HDAC9: variants seen among roughly 807,000 people sequenced by gnomAD.
HDAC9 encodes MEF-2 interacting transcription repressor (MITR) protein.
A neutral mutation model predicts 139.4 loss-of-function variants in HDAC9; 41 were observed. The observed-to-expected ratio is 0.29, with a 90% CI of 0.23 to 0.38. HDAC9 has a LOEUF of 0.38. HDAC9 is among the 10% of genes least tolerant of loss of function. HDAC9 has a pLI of 1.00. For synonymous variants in HDAC9, 517 were observed against 476.2 expected (o/e 1.09, Z -1.12); for missense variants, 1,147 against 1,297.0 (o/e 0.88, Z 1.78).
intron 2 of HDAC9, among the ~76,000 whole-genome samples, chr7:18,543,884 A>G (rs1813818948): frequency 2.7e-5 from 4 of 148,382 alleles, no homozygotes; most frequent in Admixed American, 2.7e-4. Flanking sequence ...AGTGTATTTT[A>G]GGAAAAAAAA....
At chr7:18,900,422 A>T (rs1370434418) in intron 22 of HDAC9, among the ~76,000 whole-genome samples, 1 of 152,180 alleles carries the variant, frequency 6.6e-6, no homozygotes, top group Non-Finnish European at 1.5e-5. Flanking sequence ...GGCTAAACAC[A>T]CAAATGCCAA....
intron 2 of HDAC9, among the ~76,000 whole-genome samples, chr7:18,269,804 C>T (rs1039592567): frequency 1.3e-5 from 2 of 151,972 alleles, no homozygotes; most frequent in Non-Finnish European, 2.9e-5. Flanking sequence ...ACCAGGATTG[C>T]CTCCTCCTAG....
chr7:18,622,468 A>C (rs1223848077), intron 6 of HDAC9, among the ~76,000 whole-genome samples: 1 of 151,942 alleles, frequency 6.6e-6, no homozygotes, highest in African/African-American at 2.4e-5. Flanking sequence ...GATTACAGGG[A>C]CGTGCCACCA....
intron 1 of HDAC9, among the ~76,000 whole-genome samples, chr7:18,306,861 C>T (rs1317595634): frequency 1.3e-5 from 2 of 151,982 alleles, no homozygotes; most frequent in Non-Finnish European, 1.5e-5. Context: ...TGCGAAACAC[C>T]CCCCACTTAC....
rs368814130 is a variant in HDAC9 at position 18,987,217 on chromosome 7, C to G, written c.3171-8806C>G. ...TTGGCTGTGGGTTTGTCATAGATAG[C>G]TCTTATTAATTTGGAATACGTCCCA... On this transcript the variant is annotated intron_variant, in intron 25 of 25. Coordinates refer to ENST00000686413, the MANE Select transcript of HDAC9 (RefSeq NM_178425.4). Among the ~76,000 whole-genome samples, 96 of 152,268 alleles carry G rather than the reference C, an allele frequency of 6.3e-4. No homozygotes were observed. In the East Asian group the frequency reaches 0.016, roughly 25 times the overall value.
At chr7:18,358,279 A>G (rs1038027502) in intron 1 of HDAC9, among the ~76,000 whole-genome samples, 5 of 152,228 alleles carry the variant, frequency 3.3e-5, no homozygotes, top group East Asian at 1.9e-4. Flanking sequence ...TTCACCTGCA[A>G]TTTAGGAATG....
chr7:18,101,419 T>C (rs967393391), intron 1 of HDAC9, among the ~76,000 whole-genome samples: 1 of 152,228 alleles, frequency 6.6e-6, no homozygotes, highest in African/African-American at 2.4e-5. Context: ...TTGAAAACTA[T>C]TGCTTCATAT....
At chr7:18,934,242 T>A (rs1409949506) in intron 22 of HDAC9, among the ~76,000 whole-genome samples, 1 of 151,882 alleles carries the variant, frequency 6.6e-6, no homozygotes, top group Non-Finnish European at 1.5e-5. Flanking sequence ...AAGACCCTAA[T>A]GGTTTCATAC....
chr7:18,903,795 G>A (rs558417940), intron 22 of HDAC9, among the ~76,000 whole-genome samples: 2 of 152,210 alleles, frequency 1.3e-5, no homozygotes, highest in South Asian at 2.1e-4. Context: ...ACCGTTAGTC[G>A]AGAATGTACC....
chr7:18,710,250 A>C (rs1327623419), intron 12 of HDAC9, among the ~76,000 whole-genome samples: 1 of 152,172 alleles, frequency 6.6e-6, no homozygotes, highest in East Asian at 1.9e-4. Flanking sequence ...GAATTATGAG[A>C]GCTACAATTC....
chr7:18,134,040 C>T (rs554217781), intron 1 of HDAC9, among the ~76,000 whole-genome samples: 1 of 150,830 alleles, frequency 6.6e-6, no homozygotes, highest in East Asian at 2.0e-4. Flanking sequence ...CACAGTAAAA[C>T]TCAGCTTTGA....
In HDAC9 at chr7:18,718,471, A is replaced by G. The variant is rs1180985058; in HGVS notation, c.1732-9109A>G. Among the ~76,000 whole-genome samples the G allele has an allele frequency of 2.6e-5, 4 of 151,880 alleles. No individual in the cohort carries two copies. In the East Asian group the frequency reaches 7.8e-4, roughly 29 times the overall value. Reference sequence around the variant, plus strand: ...TGGTCTCGAACTCCTGAGGTTAGGCAATCCACCCGCCTCGGCCTCCCAAAG... The same window carrying G: ...TGGTCTCGAACTCCTGAGGTTAGGCGATCCACCCGCCTCGGCCTCCCAAAG... On this transcript the variant is annotated intron_variant, in intron 12 of 25. Transcript: ENST00000686413.
At chr7:18,175,698 C>G (rs1788836306) in intron 2 of HDAC9, among the ~76,000 whole-genome samples, 1 of 150,286 alleles carries the variant, frequency 6.7e-6, no homozygotes, top group African/African-American at 2.5e-5. Context: ...TATTGGTGAA[C>G]TTTTAAAAAA....
chr7:18,949,019 G>T (rs935274139), intron 23 of HDAC9: 1 of 410,322 alleles, frequency 2.4e-6, no homozygotes. Context: ...ACCTTTTTGT[G>T]TACTTGCTTG....
chr7:18,870,874 C>T (rs1267460906), intron 21 of HDAC9, among the ~76,000 whole-genome samples: 1 of 152,004 alleles, frequency 6.6e-6, no homozygotes, highest in Non-Finnish European at 1.5e-5. Context: ...CTCTGTGTTA[C>T]CCAGGGTGGA....
rs747012668 is a variant in HDAC9, at chr7:18,629,440, ATGT to A, written c.759_761del (p.Val254del). The A allele has an allele frequency of 1.7e-5, 27 of 1,612,508 alleles. No individual in the cohort carries two copies. The highest frequency in any genetic ancestry group is 2.7e-5 in the African/African-American group (2 of 74,952). ...CCCTTACTCAGGCGGAAGGATGGAA[ATGT>A]TGTCACTTCATTCAAGAAGCGAATG... On this transcript the variant is annotated inframe_deletion, in exon 7 of 26. Coordinates refer to ENST00000686413, the MANE Select transcript of HDAC9 (RefSeq NM_178425.4).
At chr7:18,536,052 C>T (rs1245639414) in intron 2 of HDAC9, among the ~76,000 whole-genome samples, 12 of 152,144 alleles carry the variant, frequency 7.9e-5, no homozygotes, top group Non-Finnish European at 1.3e-4. Flanking sequence ...TGCCTCAGAG[C>T]TTTCTTTTGT....
chr7:18,107,521 C>G (rs1272191457), intron 1 of HDAC9, among the ~76,000 whole-genome samples: 1 of 152,094 alleles, frequency 6.6e-6, no homozygotes, highest in Non-Finnish European at 1.5e-5. Context: ...CTCTCTCTCT[C>G]TCTCACACGC....
chr7:18,773,474 T>C (rs892389025), intron 16 of HDAC9, among the ~76,000 whole-genome samples: 2 of 149,984 alleles, frequency 1.3e-5, no homozygotes, highest in East Asian at 2.0e-4. Flanking sequence ...TTATGAACAT[T>C]GAGACAAGAA....
Sources: allele counts gnomAD v4.1 joint callset (sites outside exome capture counted in the v4.1 genomes callset), GRCh38; gene constraint gnomAD v4.1.1; transcripts MANE v1.5; gene names NCBI Gene and HGNC (gene_info 2026-07-23, HGNC 2026-07-21).